The following SPMIP2 variants were observed in gnomAD, a reference collection of about 807,000 sequenced individuals.
The protein encoded by SPMIP2 is protein SPMIP2.
chr4:159,011,070 C>T, the SPMIP2 span, among the ~76,000 whole-genome samples: 1 of 152,154 alleles, frequency 6.6e-6, no homozygotes, highest in East Asian at 1.9e-4. Context: ...GATTCCTGTT[C>T]CCCTCCCTCA....
At chr4:158,953,041 G>A in the SPMIP2 span, among the ~76,000 whole-genome samples, 1 of 152,138 alleles carries the variant, frequency 6.6e-6, no homozygotes, top group Non-Finnish European at 1.5e-5. Context: ...CAATGTGATA[G>A]AAAAGAAAAA....
At chr4:158,996,945 T>C in the SPMIP2 span, among the ~76,000 whole-genome samples, 3 of 152,138 alleles carry the variant, frequency 2.0e-5, no homozygotes, top group Non-Finnish European at 4.4e-5. Context: ...TCCTGAGTCA[T>C]GTGAGGTCAG....
chr4:158,946,412 A>AG, the SPMIP2 span, among the ~76,000 whole-genome samples: 2 of 152,150 alleles, frequency 1.3e-5, no homozygotes, highest in African/African-American at 2.4e-5. Context: ...CCCACATTTC[A>AG]GGGGGGGGGA....
the SPMIP2 span, among the ~76,000 whole-genome samples, chr4:158,954,204 G>C: frequency 5.3e-5 from 8 of 152,136 alleles, no homozygotes; most frequent in Admixed American, 3.9e-4. Flanking sequence ...TGTGGGTGGG[G>C]CCTGGTGGGA....
the SPMIP2 span, among the ~76,000 whole-genome samples, chr4:158,925,939 C>T: frequency 6.6e-6 from 1 of 152,156 alleles, no homozygotes; most frequent in Non-Finnish European, 1.5e-5. Flanking sequence ...TTCCTGTGTC[C>T]TCACAGGGTG....
At chr4:158,989,119 G>C in the SPMIP2 span, among the ~76,000 whole-genome samples, 1 of 152,130 alleles carries the variant, frequency 6.6e-6, no homozygotes, top group African/African-American at 2.4e-5. Context: ...AATCATGAGT[G>C]AACTCCCAGT....
chr4:159,017,356 T>TACACACACACACACACACACAC, the SPMIP2 span, among the ~76,000 whole-genome samples: 1 of 149,318 alleles, frequency 6.7e-6, no homozygotes, highest in African/African-American at 2.5e-5. Flanking sequence ...CACAAACACA[T>TACACACACACACACACACACAC]ACACACACAC....
At chr4:159,023,842 G>A in the SPMIP2 span, among the ~76,000 whole-genome samples, 1 of 152,114 alleles carries the variant, frequency 6.6e-6, no homozygotes, top group Non-Finnish European at 1.5e-5. Context: ...TCAGGTCTCC[G>A]CTCCTCCAGC....
At chr4:158,974,309 T>A in the SPMIP2 span, among the ~76,000 whole-genome samples, 1 of 152,132 alleles carries the variant, frequency 6.6e-6, no homozygotes, top group African/African-American at 2.4e-5. Context: ...ATCACTTAAA[T>A]GAATTTTTTA....
At chr4:159,031,461 A>G in the SPMIP2 span, among the ~76,000 whole-genome samples, 1 of 152,258 alleles carries the variant, frequency 6.6e-6, no homozygotes. Flanking sequence ...GGAAAAAAGA[A>G]GGGAAGACTG....
the SPMIP2 span, among the ~76,000 whole-genome samples, chr4:158,964,619 G>A: frequency 6.7e-6 from 1 of 148,640 alleles, no homozygotes; most frequent in Non-Finnish European, 1.5e-5. Context: ...AAAATTCTTT[G>A]ACTGGCTATT....
chr4:159,069,413 T>C, the SPMIP2 span, among the ~76,000 whole-genome samples: 1 of 152,140 alleles, frequency 6.6e-6, no homozygotes, highest in Admixed American at 6.5e-5. Context: ...AGTATGAATT[T>C]AGGTTTTTAA....
the SPMIP2 span, among the ~76,000 whole-genome samples, chr4:158,942,308 C>T: frequency 6.6e-6 from 1 of 152,210 alleles, no homozygotes; most frequent in African/African-American, 2.4e-5. Context: ...ACACTTCAAG[C>T]TCAGGTGAAC....
chr4:159,038,496 C>T, the SPMIP2 span: 1 of 152,144 alleles, frequency 6.6e-6, no homozygotes, highest in Non-Finnish European at 1.5e-5. Context: ...TTCCATCCTA[C>T]ATTTTTTTAA....
the SPMIP2 span, among the ~76,000 whole-genome samples, chr4:158,929,488 C>G: frequency 6.6e-6 from 1 of 152,168 alleles, no homozygotes; most frequent in African/African-American, 2.4e-5. Flanking sequence ...TATTTTCTAT[C>G]ATTTTAGCCT....
chr4:158,905,708 AAAC>A, the SPMIP2 span: 1 of 151,886 alleles, frequency 6.6e-6, no homozygotes, highest in African/African-American at 2.4e-5. Flanking sequence ...AAAAAAAAAA[AAAC>A]AACCTAATTT....
chr4:158,893,803 C>T, the SPMIP2 span: 4 of 856,390 alleles, frequency 4.7e-6, no homozygotes, highest in East Asian at 2.7e-5. Flanking sequence ...ATAATACATA[C>T]GTCTTGTCAC....
chr4:159,068,691 TA>T, the SPMIP2 span, among the ~76,000 whole-genome samples: 2 of 145,352 alleles, frequency 1.4e-5, no homozygotes, highest in African/African-American at 2.5e-5. Context: ...AAATAAAAAA[TA>T]AAAAAATAAA....
chr4:158,989,994 C>G, the SPMIP2 span, among the ~76,000 whole-genome samples: 1 of 152,094 alleles, frequency 6.6e-6, no homozygotes, highest in East Asian at 1.9e-4. Flanking sequence ...TGACAAAGGG[C>G]TAATATCCAG....
Sources: gnomAD v4.1 joint callset for allele counts (sites outside exome capture counted in the v4.1 genomes callset) on GRCh38, gnomAD v4.1.1 for gene constraint, MANE v1.5 for transcripts, NCBI Gene and HGNC (gene_info 2026-07-23, HGNC 2026-07-21) for gene names.